Variants in CCDC102B observed in about 807,000 individuals in gnomAD.
CCDC102B encodes the protein coiled-coil domain-containing protein 102B.
In CCDC102B, 75 loss-of-function variants were observed where a neutral mutation model predicts 57.4. That is an observed-to-expected ratio of 1.31 (90% CI 1.08 to 1.58). The LOEUF (loss-of-function observed/expected upper bound fraction) is 1.58, where lower values mean the gene tolerates loss of function less well. CCDC102B is among the 40% of genes most tolerant of loss of function. CCDC102B has a pLI of 0.00. For synonymous variants in CCDC102B, 206 were observed against 201.9 expected (o/e 1.02, Z -0.17); for missense variants, 636 against 582.6 (o/e 1.09, Z -0.94).
chr18:69,035,833 G>A (rs192622600), intron 7 of CCDC102B, among the ~76,000 whole-genome samples: 3 of 152,130 alleles, frequency 2.0e-5, no homozygotes, highest in Non-Finnish European at 4.4e-5. Context: ...TAAAGGTTCT[G>A]CATTGCATGA....
intron 6 of CCDC102B, among the ~76,000 whole-genome samples, chr18:68,965,248 A>G (rs1330279442): frequency 6.6e-6 from 1 of 151,626 alleles, no homozygotes; most frequent in Non-Finnish European, 1.5e-5. Context: ...ATTTCTTTTC[A>G]GTCTCTTTTT....
At chr18:68,743,098 G>A (rs1184181579) in intron 2 of CCDC102B, among the ~76,000 whole-genome samples, 6 of 152,056 alleles carry the variant, frequency 3.9e-5, no homozygotes, top group South Asian at 2.1e-4. Context: ...AGGCATGGTG[G>A]CTCACACCTG....
At chr18:68,844,051 A>T (rs2037749308) in intron 3 of CCDC102B, among the ~76,000 whole-genome samples, 1 of 152,002 alleles carries the variant, frequency 6.6e-6, no homozygotes, top group Admixed American at 6.6e-5. Flanking sequence ...ACCAAATGGT[A>T]ACCTTTTACA....
chr18:68,761,476 C>T (rs2034252022), intron 2 of CCDC102B, among the ~76,000 whole-genome samples: 1 of 151,672 alleles, frequency 6.6e-6, no homozygotes, highest in Admixed American at 6.6e-5. Context: ...ATCTCCCACT[C>T]TGAGTGTGAA....
At chr18:68,945,848 A>T (rs2049523676) in intron 6 of CCDC102B, among the ~76,000 whole-genome samples, 1 of 152,042 alleles carries the variant, frequency 6.6e-6, no homozygotes, top group East Asian at 1.9e-4. Context: ...TAATTAATAG[A>T]TATTAAAACC....
intron 6 of CCDC102B, among the ~76,000 whole-genome samples, chr18:68,998,494 G>A (rs2163476): frequency 6.7e-6 from 1 of 149,486 alleles, no homozygotes; most frequent in Non-Finnish European, 1.5e-5. Context: ...TAGATGCATA[G>A]GAAAGAGAGT....
intron 2 of CCDC102B, among the ~76,000 whole-genome samples, chr18:68,790,402 G>A (rs932603722): frequency 9.2e-5 from 14 of 152,072 alleles, no homozygotes; most frequent in East Asian, 1.9e-4. Flanking sequence ...AGCAAGCCTG[G>A]GCAATGGCGG....
intron 2 of CCDC102B, among the ~76,000 whole-genome samples, chr18:68,722,878 AT>A (rs978825403): frequency 1.7e-5 from 2 of 115,464 alleles, no homozygotes; most frequent in Non-Finnish European, 3.8e-5. Context: ...ATCTGCTTTT[AT>A]TTTTTTTTCT....
intron 6 of CCDC102B, among the ~76,000 whole-genome samples, chr18:68,931,459 G>A (rs1272041489): frequency 6.6e-6 from 1 of 151,592 alleles, no homozygotes; most frequent in African/African-American, 2.4e-5. Flanking sequence ...TTCTCAACAT[G>A]GGCCATATCA....
chr18:68,794,583 A>G (rs542542213), upstream of CCDC102B, among the ~76,000 whole-genome samples: 2 of 152,256 alleles, frequency 1.3e-5, no homozygotes, highest in African/African-American at 4.8e-5. Flanking sequence ...CTAAAAAAAA[A>G]TAGCCTTCAT....
chr18:68,899,047 AG>A (rs2145023750), intron 6 of CCDC102B, among the ~76,000 whole-genome samples: 1 of 152,178 alleles, frequency 6.6e-6, no homozygotes, highest in Non-Finnish European at 1.5e-5. Flanking sequence ...CAAAGGTCTA[AG>A]TCAGTGGGTA....
intron 7 of CCDC102B, among the ~76,000 whole-genome samples, chr18:69,027,087 A>G (rs1426737377): frequency 6.6e-6 from 1 of 152,196 alleles, no homozygotes; most frequent in East Asian, 1.9e-4. Context: ...ATTCGGAGCT[A>G]ATACAGTTTA....
At chr18:68,974,472 ATTATT>A (rs1371284085) in intron 6 of CCDC102B, among the ~76,000 whole-genome samples, 2 of 152,078 alleles carry the variant, frequency 1.3e-5, no homozygotes, top group African/African-American at 4.8e-5. Context: ...TTATTTTAAT[ATTATT>A]TTAATATCTG....
chr18:68,889,118 A>T (rs1047923595), intron 5 of CCDC102B, among the ~76,000 whole-genome samples: 2 of 151,716 alleles, frequency 1.3e-5, no homozygotes, highest in African/African-American at 4.8e-5. Flanking sequence ...AATATTGTCT[A>T]GTATGGTCTG....
chr18:68,864,788 A>AGAGCTG (rs2038905153), intron 4 of CCDC102B, among the ~76,000 whole-genome samples: 1 of 152,060 alleles, frequency 6.6e-6, no homozygotes, highest in Non-Finnish European at 1.5e-5. Flanking sequence ...TGAATGTAGA[A>AGAGCTG]ACATTTTCTG....
At chr18:68,725,339 T>G (rs1166401481) in intron 2 of CCDC102B, among the ~76,000 whole-genome samples, 1 of 152,218 alleles carries the variant, frequency 6.6e-6, no homozygotes. Context: ...ATTTATTATG[T>G]CCCAGTTCAG....
At chr18:68,802,111 A>C (rs2035876801) in intron 1 of CCDC102B, among the ~76,000 whole-genome samples, 1 of 151,914 alleles carries the variant, frequency 6.6e-6, no homozygotes, top group African/African-American at 2.4e-5. Flanking sequence ...TTGGTGTTTC[A>C]TATAATTCTA....
Position 68,726,097 on chromosome 18 carries a change from C to T in CCDC102B, c.-67+9503C>T, listed in dbSNP as rs374986547. ...CTGGAAGAAGGATAAACATTAAAAT[C>T]TCATTAAAAGTTGAAATACATGATT... On this transcript the variant is annotated intron_variant, in intron 2 of 3. Coordinates refer to the CCDC102B transcript ENST00000578970. Among the ~76,000 whole-genome samples, 59 of 152,278 alleles carry T rather than the reference C, an allele frequency of 3.9e-4. No individual in the cohort carries two copies. The South Asian group carries it at 4.4e-3, about 11-fold the overall frequency.
At chr18:68,880,974 C>T (rs1264956841) in intron 5 of CCDC102B, among the ~76,000 whole-genome samples, 2 of 152,134 alleles carry the variant, frequency 1.3e-5, no homozygotes, top group African/African-American at 4.8e-5. Flanking sequence ...CTCAAGTGCC[C>T]TGAAAAATAG....
Sources: gnomAD v4.1 joint callset for allele counts (sites outside exome capture counted in the v4.1 genomes callset) on GRCh38, gnomAD v4.1.1 for gene constraint, MANE v1.5 for transcripts, NCBI Gene and HGNC (gene_info 2026-07-23, HGNC 2026-07-21) for gene names.